Variants in GLG1 observed in about 807,000 individuals in gnomAD.
GLG1 encodes the protein golgi glycoprotein 1.
Under a neutral mutation model 160.5 loss-of-function variants are expected in GLG1, and 38 were observed. That is an observed-to-expected ratio of 0.24 (90% CI 0.18 to 0.31). GLG1 has a LOEUF of 0.31. Among genes scored for constraint, GLG1 ranks in the 10% least tolerant of loss-of-function variants. The pLI is 1.00. For missense variants in GLG1, 1,373 were observed against 1,505.2 expected (o/e 0.91, Z 1.45); for synonymous variants, 644 against 543.4 (o/e 1.19, Z -2.57).
At chr16:74,514,944 A>T (rs1235401358) in intron 2 of GLG1, among the ~76,000 whole-genome samples, 1 of 152,126 alleles carries the variant, frequency 6.6e-6, no homozygotes, top group Non-Finnish European at 1.5e-5. Flanking sequence ...ATGAAGGAAG[A>T]TCTACCAAGC....
intron 16 of GLG1, 23 bp downstream of exon 16, chr16:74,469,962 T>G (rs2303278): frequency 1.4e-6 from 2 of 1,416,174 alleles, no homozygotes; most frequent in African/African-American, 1.4e-5. Flanking sequence ...GAAAGTGGAA[T>G]GAAACAACTA....
At chr16:74,568,915 A>T (rs544554476) in intron 1 of GLG1, among the ~76,000 whole-genome samples, 10 of 152,358 alleles carry the variant, frequency 6.6e-5, no homozygotes, top group African/African-American at 1.4e-4. Flanking sequence ...AGAGCTAAAA[A>T]TACCGTAAAT....
chr16:74,598,214 A>C (rs1958351615), intron 1 of GLG1, among the ~76,000 whole-genome samples: 1 of 152,128 alleles, frequency 6.6e-6, no homozygotes, highest in Non-Finnish European at 1.5e-5. Context: ...AGGTTTCAAT[A>C]AATGTTTGCT....
At chr16:74,540,066 A>AT (rs1183390920) in intron 1 of GLG1, among the ~76,000 whole-genome samples, 42 of 1,106 alleles carry the variant, frequency 0.038, 19 homozygotes, top group East Asian at 0.14. Flanking sequence ...TTTTATATAT[A>AT]TATATTATAT....
At chr16:74,505,962 G>T (rs1263742345) in intron 3 of GLG1, among the ~76,000 whole-genome samples, 1 of 149,654 alleles carries the variant, frequency 6.7e-6, no homozygotes, top group African/African-American at 2.5e-5. Context: ...CCCAGGAGGT[G>T]GAGGTTGCAG....
chr16:74,454,483 T>C (rs1324116435), intron 25 of GLG1, among the ~76,000 whole-genome samples: 1 of 150,984 alleles, frequency 6.6e-6, no homozygotes, highest in Non-Finnish European at 1.5e-5. Context: ...CTGGCCAACA[T>C]GGTGAAACCC....
At chr16:74,564,449 G>T (rs2018594917) in intron 1 of GLG1, among the ~76,000 whole-genome samples, 1 of 152,192 alleles carries the variant, frequency 6.6e-6, no homozygotes, top group Non-Finnish European at 1.5e-5. Context: ...TCTCCCTGCT[G>T]CATTATATTC....
intron 1 of GLG1, among the ~76,000 whole-genome samples, chr16:74,552,917 T>C (rs1380720390): frequency 4.6e-5 from 7 of 152,074 alleles, no homozygotes; most frequent in Non-Finnish European, 8.8e-5. Flanking sequence ...TTTTACTTTT[T>C]TTAAAAAAAA....
chr16:74,454,512 A>G (rs2143120082), intron 25 of GLG1, among the ~76,000 whole-genome samples: 1 of 151,554 alleles, frequency 6.6e-6, no homozygotes, highest in East Asian at 2.0e-4. Context: ...CTAAAAATAC[A>G]AAAGTTAGCT....
intron 1 of GLG1, among the ~76,000 whole-genome samples, chr16:74,581,064 G>A (rs1957927596): frequency 6.6e-6 from 1 of 152,216 alleles, no homozygotes. Flanking sequence ...TGATGCAGCT[G>A]CTGTGAAAAA....
At chr16:74,535,596 T>G (rs1025658064) in intron 1 of GLG1, among the ~76,000 whole-genome samples, 5 of 152,158 alleles carry the variant, frequency 3.3e-5, no homozygotes, top group African/African-American at 9.7e-5. Context: ...TGATAGCTGG[T>G]TAATTTTTTA....
intron 3 of GLG1, among the ~76,000 whole-genome samples, chr16:74,507,851 C>CATCTT (rs1434597619): frequency 2.0e-5 from 3 of 152,186 alleles, no homozygotes; most frequent in Admixed American, 2.0e-4. Flanking sequence ...ATTAAGCAAA[C>CATCTT]ATCTTTGCCC....
intron 4 of GLG1, 85 bp downstream of exon 4, chr16:74,503,445 TA>T: frequency 1.1e-6 from 1 of 902,248 alleles, no homozygotes; most frequent in Non-Finnish European, 1.8e-6. Flanking sequence ...ACTCCAGTCC[TA>T]AATTTTTCCC....
chr16:74,513,588 G>A (rs929821231), intron 2 of GLG1, among the ~76,000 whole-genome samples: 1 of 152,114 alleles, frequency 6.6e-6, no homozygotes, highest in Non-Finnish European at 1.5e-5. Flanking sequence ...CAAACAGAAA[G>A]GAATAGCATC....
intron 2 of GLG1, among the ~76,000 whole-genome samples, chr16:74,527,226 G>A (rs1273939064): frequency 1.6e-5 from 2 of 124,030 alleles, no homozygotes; most frequent in Admixed American, 8.0e-5. Context: ...TACTGTTATT[G>A]TTTTGGCTTA....
intron 2 of GLG1, among the ~76,000 whole-genome samples, chr16:74,514,241 T>A (rs1391811699): frequency 6.6e-6 from 1 of 152,102 alleles, no homozygotes; most frequent in Non-Finnish European, 1.5e-5. Flanking sequence ...GGAGAACTTC[T>A]CCAACCTAGC....
At chr16:74,500,371 A>C (rs368627657) in intron 4 of GLG1, among the ~76,000 whole-genome samples, 5 of 152,168 alleles carry the variant, frequency 3.3e-5, no homozygotes, top group African/African-American at 1.2e-4. Flanking sequence ...ACATCTGCTT[A>C]AAATCTACTG....
intron 9 of GLG1, among the ~76,000 whole-genome samples, chr16:74,483,377 T>C (rs1429973294): frequency 2.0e-5 from 3 of 152,198 alleles, no homozygotes; most frequent in East Asian, 1.9e-4. Context: ...TAACTGGTTA[T>C]GAAAACTTTC....
intron 1 of GLG1, among the ~76,000 whole-genome samples, chr16:74,567,381 G>C (rs1455609170): frequency 6.6e-6 from 1 of 152,094 alleles, no homozygotes; most frequent in East Asian, 1.9e-4. Context: ...TTTAGAATTT[G>C]AAATGAGAAA....
Sources: gnomAD v4.1 joint callset for allele counts (sites outside exome capture counted in the v4.1 genomes callset) on GRCh38, gnomAD v4.1.1 for gene constraint, MANE v1.5 for transcripts, NCBI Gene and HGNC (gene_info 2026-07-23, HGNC 2026-07-21) for gene names.